The following ITGBL1 variants were observed in gnomAD, a reference collection of about 807,000 sequenced individuals.
ITGBL1 encodes the protein integrin beta-like protein 1.
A neutral mutation model predicts 68.5 loss-of-function variants in ITGBL1; 51 were observed. The ratio of observed to expected loss-of-function variants is 0.74; its 90% CI spans 0.59 to 0.94. The LOEUF (loss-of-function observed/expected upper bound fraction) is 0.94. ITGBL1 is among the 40% of genes least tolerant of loss of function. The pLI is 0.00. For missense variants in ITGBL1, 649 were observed against 647.4 expected, an observed-to-expected ratio of 1.00 and a Z score of -0.03; for synonymous variants, 209 against 227.3, an observed-to-expected ratio of 0.92 and a Z score of 0.72.
intron 2 of ITGBL1, among the ~76,000 whole-genome samples, chr13:101,562,047 G>T (rs1402681079): frequency 6.6e-6 from 1 of 152,098 alleles, no homozygotes; most frequent in Non-Finnish European, 1.5e-5. Context: ...ATGGCACAAA[G>T]AATGGGAGGA....
intron 3 of ITGBL1, among the ~76,000 whole-genome samples, chr13:101,574,698 A>G (rs980272788): frequency 3.3e-5 from 5 of 152,102 alleles, no homozygotes; most frequent in Admixed American, 6.6e-5. Flanking sequence ...TTTGAGTGCA[A>G]TATTAATGTT....
intron 2 of ITGBL1, among the ~76,000 whole-genome samples, chr13:101,472,730 A>T (rs2048479873): frequency 6.6e-6 from 1 of 152,094 alleles, no homozygotes; most frequent in African/African-American, 2.4e-5. Context: ...CATTTTTTTT[A>T]ATGAGGAACT....
At chr13:101,477,972 C>T (rs936277101) in intron 2 of ITGBL1, among the ~76,000 whole-genome samples, 3 of 152,052 alleles carry the variant, frequency 2.0e-5, no homozygotes, top group Admixed American at 2.0e-4. Flanking sequence ...GGAATACTTC[C>T]AAACTAATTC....
chr13:101,618,531 G>C (rs1168043710), intron 7 of ITGBL1, among the ~76,000 whole-genome samples: 1 of 152,138 alleles, frequency 6.6e-6, no homozygotes, highest in Admixed American at 6.6e-5. Flanking sequence ...TGATTTATGT[G>C]CTCACAAACC....
At chr13:101,476,742 A>G (rs963602362) in intron 2 of ITGBL1, among the ~76,000 whole-genome samples, 3 of 152,152 alleles carry the variant, frequency 2.0e-5, no homozygotes, top group South Asian at 2.1e-4. Flanking sequence ...CAAAAACTAT[A>G]TAAGAGGCAA....
rs183855800 is a variant in ITGBL1, at chr13:101,482,491, C to G, written c.316+28391C>G. 6.2e-3 allele frequency among the ~76,000 whole-genome samples: 942 copies of G among 151,770 alleles called. 5 individuals are homozygous for G. Among genetic ancestry groups the G allele is most frequent in the Non-Finnish European group, 8.9e-3 (607 of 67,904 alleles). On this transcript the variant is annotated intron_variant, in intron 2 of 10. Coordinates refer to ENST00000376180, the MANE Select transcript of ITGBL1 (RefSeq NM_004791.3). The stretch of plus-strand genomic sequence containing the variant: ...ACTCTCTTTTATAATGAAAAGAAAC[C>G]TAAGTATTAGTTTTTTATGTACCTA...
Position 101,531,171 on chromosome 13 carries a change from G to A in ITGBL1, c.317-36528G>A, listed in dbSNP as rs368612255. On this transcript the variant is annotated intron_variant, in intron 2 of 10. Transcript: ENST00000376180. ...TTGTAACTGTTGATTTTAAAAAAACGTATACTAGTTGGTTCTAATCAGAAA... is the reference window on the plus strand; with the variant it reads ...TTGTAACTGTTGATTTTAAAAAAACATATACTAGTTGGTTCTAATCAGAAA... Among the ~76,000 whole-genome samples, 49 of 152,112 alleles carry A rather than the reference G, an allele frequency of 3.2e-4. No homozygotes were observed. The South Asian group carries it at 5.8e-3, about 18-fold the overall frequency.
At chr13:101,595,924 T>A (rs2029932854) in intron 6 of ITGBL1, among the ~76,000 whole-genome samples, 1 of 152,134 alleles carries the variant, frequency 6.6e-6, no homozygotes, top group Non-Finnish European at 1.5e-5. Context: ...ATAACCAAGA[T>A]ATGAAAACAA....
intron 6 of ITGBL1, among the ~76,000 whole-genome samples, chr13:101,585,445 T>G (rs2139294867): frequency 6.6e-6 from 1 of 152,306 alleles, no homozygotes. Context: ...CCATTTTCTT[T>G]TTTGAGATGG....
intron 2 of ITGBL1, among the ~76,000 whole-genome samples, chr13:101,515,281 A>AT (rs2049177665): frequency 6.6e-6 from 1 of 152,018 alleles, no homozygotes. Context: ...TAGGAGTACA[A>AT]TTTTTTATCA....
intron 2 of ITGBL1, among the ~76,000 whole-genome samples, chr13:101,522,719 G>C (rs913172434): frequency 2.0e-5 from 3 of 152,132 alleles, no homozygotes; most frequent in African/African-American, 7.2e-5. Flanking sequence ...ACAGTTCTAG[G>C]TGCCAGGAAC....
At chr13:101,600,371 T>C (rs1016846995) in intron 7 of ITGBL1, among the ~76,000 whole-genome samples, 106 of 152,336 alleles carry the variant, frequency 7.0e-4, no homozygotes, top group African/African-American at 2.1e-3. Flanking sequence ...TATACAATCA[T>C]GTCATCTGCA....
At chr13:101,706,037 T>A (rs2034256884) in intron 8 of ITGBL1, among the ~76,000 whole-genome samples, 3 of 152,192 alleles carry the variant, frequency 2.0e-5, no homozygotes, top group African/African-American at 7.2e-5. Flanking sequence ...TATCATGCAA[T>A]CTAATGGTGT....
At chr13:101,551,506 C>G (rs1253483517) in intron 2 of ITGBL1, among the ~76,000 whole-genome samples, 2 of 152,030 alleles carry the variant, frequency 1.3e-5, no homozygotes, top group Admixed American at 1.3e-4. Context: ...GAAAAGGGAG[C>G]AAGATGGATC....
At chr13:101,650,224 A>T (rs75476676) in intron 7 of ITGBL1, among the ~76,000 whole-genome samples, 3,583 of 152,338 alleles carry the variant, frequency 0.024, 123 homozygotes, top group African/African-American at 0.081. Flanking sequence ...TCTCAGATAT[A>T]TACTAACAGC....
intron 2 of ITGBL1, among the ~76,000 whole-genome samples, chr13:101,547,345 A>G (rs1263146333): frequency 6.6e-6 from 1 of 151,928 alleles, no homozygotes; most frequent in Non-Finnish European, 1.5e-5. Context: ...TTCTGCTATC[A>G]TCTTTAATTA....
intron 2 of ITGBL1, among the ~76,000 whole-genome samples, chr13:101,522,569 G>A (rs553032447): frequency 9.2e-5 from 14 of 152,248 alleles, no homozygotes; most frequent in African/African-American, 3.1e-4. Flanking sequence ...TAGGAGAAGG[G>A]AGACTTATCA....
At chr13:101,550,827 C>T (rs2139211379) in intron 2 of ITGBL1, among the ~76,000 whole-genome samples, 1 of 152,242 alleles carries the variant, frequency 6.6e-6, no homozygotes, top group Non-Finnish European at 1.5e-5. Context: ...TCTGATGTTT[C>T]TCATGAGCTT....
At chr13:101,462,732 G>A (rs1049568948) in intron 2 of ITGBL1, among the ~76,000 whole-genome samples, 41 of 152,140 alleles carry the variant, frequency 2.7e-4, no homozygotes, top group Non-Finnish European at 4.6e-4. Context: ...GTAGGCATGC[G>A]CCCCCACACC....
Sources: allele counts gnomAD v4.1 joint callset (sites outside exome capture counted in the v4.1 genomes callset), GRCh38; gene constraint gnomAD v4.1.1; transcripts MANE v1.5; gene names NCBI Gene and HGNC (gene_info 2026-07-23, HGNC 2026-07-21).